Variants in DLG1 observed in about 807,000 individuals in gnomAD.
The protein encoded by DLG1 is discs large MAGUK scaffold protein 1.
In DLG1, 42 loss-of-function variants were observed where a neutral mutation model predicts 123.4. The ratio of observed to expected loss-of-function variants is 0.34; its 90% confidence interval spans 0.27 to 0.44. The LOEUF (loss-of-function observed/expected upper bound fraction) is 0.44. Ranked by LOEUF, DLG1 falls within the 20% of genes least tolerant of loss-of-function variation. DLG1 has a pLI of 1.00. For missense variants in DLG1, 942 were observed against 1,082.6 expected (o/e 0.87, Z 1.82); for synonymous variants, 317 against 356.2 (o/e 0.89, Z 1.24).
chr3:197,283,281 T>C (rs1362161664), intron 3 of DLG1, among the ~76,000 whole-genome samples: 1 of 152,154 alleles, frequency 6.6e-6, no homozygotes, highest in African/African-American at 2.4e-5. Context: ...TAGGAGTTAT[T>C]ACCGTTCACC....
intron 24 of DLG1, among the ~76,000 whole-genome samples, chr3:197,046,262 C>T (rs536282247): frequency 5.9e-5 from 9 of 152,038 alleles, no homozygotes; most frequent in Admixed American, 2.0e-4. Flanking sequence ...GACAACAGCA[C>T]GCAAGGATTT....
chr3:197,268,225 G>A (rs1762499817), intron 4 of DLG1, among the ~76,000 whole-genome samples: 1 of 152,162 alleles, frequency 6.6e-6, no homozygotes, highest in Admixed American at 6.5e-5. Flanking sequence ...TACTGAAAAT[G>A]TCACATAATC....
chr3:197,149,445 G>A (rs1218846061), intron 6 of DLG1, among the ~76,000 whole-genome samples: 1 of 152,010 alleles, frequency 6.6e-6, no homozygotes, highest in African/African-American at 2.4e-5. Context: ...TAAATATATG[G>A]CACTGTGTAA....
intron 11 of DLG1, 35 bp from the exon 12 acceptor site, chr3:197,119,565 A>G: frequency 6.4e-7 from 1 of 1,574,418 alleles, no homozygotes; most frequent in African/African-American, 1.4e-5. Flanking sequence ...TACTTCAAAC[A>G]CGAAACAAGC....
chr3:197,254,572 ACAG>A (rs376767756), intron 4 of DLG1, among the ~76,000 whole-genome samples: 1 of 152,218 alleles, frequency 6.6e-6, no homozygotes, highest in African/African-American at 2.4e-5. Flanking sequence ...GAAAACCCAC[ACAG>A]CAGAACCACA....
In DLG1 at chr3:197,289,341, T is replaced by TACACACACACACACAC. The variant is rs56319334; in HGVS notation, c.152-6512_152-6497dup. On this transcript the variant is annotated intron_variant, in intron 3 of 24. Coordinates refer to ENST00000667157, the MANE Select transcript of DLG1 (RefSeq NM_001366207.1). ...GGGGGGTGGCGTGTATACACGCGCA[T>TACACACACACACACAC]ACACACACACACACACACACACACA... Among the ~76,000 whole-genome samples, 8 of 150,398 alleles carry TACACACACACACACAC rather than the reference T, an allele frequency of 5.3e-5. No individual in the cohort carries two copies. The East Asian group carries it at 9.9e-4, about 19-fold the overall frequency.
chr3:197,263,729 G>C (rs1760526730), intron 4 of DLG1, among the ~76,000 whole-genome samples: 1 of 151,634 alleles, frequency 6.6e-6, no homozygotes, highest in African/African-American at 2.4e-5. Context: ...GGACACTGCA[G>C]TGAGCCGAGA....
intron 3 of DLG1, among the ~76,000 whole-genome samples, chr3:197,284,053 G>T (rs1770662424): frequency 6.6e-6 from 1 of 151,886 alleles, no homozygotes; most frequent in Non-Finnish European, 1.5e-5. Context: ...TAGAGACAGG[G>T]TTTCACCATG....
intron 5 of DLG1, among the ~76,000 whole-genome samples, chr3:197,154,451 G>C (rs1460539386): frequency 6.6e-6 from 1 of 151,728 alleles, no homozygotes; most frequent in African/African-American, 2.4e-5. Context: ...TGAGGTGGGT[G>C]GATCACTAGG....
chr3:197,085,511 T>A, intron 16 of DLG1, 69 bp downstream of exon 16: 2 of 1,538,916 alleles, frequency 1.3e-6, no homozygotes, highest in Non-Finnish European at 1.8e-6. Context: ...TGTCACAAAT[T>A]AAAAAAAATT....
intron 5 of DLG1, among the ~76,000 whole-genome samples, chr3:197,191,948 A>G (rs2150235046): frequency 6.6e-6 from 1 of 152,188 alleles, no homozygotes; most frequent in South Asian, 2.1e-4. Flanking sequence ...GGTCAAGGGA[A>G]GAGGATTACT....
rs778203863 is a variant in DLG1 at position 197,119,392 on chromosome 3, A to G, written c.1286+18T>C. The G allele has an allele frequency of 6.4e-7, 1 of 1,573,872 alleles. No individual in the cohort carries two copies. Among genetic ancestry groups the G allele is most frequent in the Non-Finnish European group, 8.6e-7 (1 of 1,157,974 alleles). On this transcript the variant is annotated intron_variant, in intron 12 of 24. Transcript: ENST00000667157. ...ATAGTTGATTTTATGTAAGAAGGAT[A>G]AATGTTAACTTCCTTACCTTGTAAT...
At chr3:197,116,685 G>A (rs1773487604) in intron 12 of DLG1, among the ~76,000 whole-genome samples, 1 of 151,848 alleles carries the variant, frequency 6.6e-6, no homozygotes, top group Non-Finnish European at 1.5e-5. Context: ...TCAAAAAAAC[G>A]AAACAAAATA....
intron 24 of DLG1, among the ~76,000 whole-genome samples, chr3:197,046,652 C>T (rs773048302): frequency 1.3e-5 from 2 of 151,984 alleles, no homozygotes; most frequent in African/African-American, 4.8e-5. Context: ...TGAAGGTGGG[C>T]GGATTGGATG....
intron 14 of DLG1, among the ~76,000 whole-genome samples, chr3:197,097,509 C>T (rs1189837766): frequency 2.6e-5 from 4 of 150,978 alleles, no homozygotes; most frequent in Admixed American, 6.6e-5. Flanking sequence ...TTTGGCTTTC[C>T]TAATTTTTTT....
At chr3:197,294,609 G>C (rs998127971) in intron 3 of DLG1, among the ~76,000 whole-genome samples, 3 of 141,694 alleles carry the variant, frequency 2.1e-5, no homozygotes, top group Non-Finnish European at 4.5e-5. Context: ...AGTGAGCGGA[G>C]ATCTCGCCAC....
intron 4 of DLG1, among the ~76,000 whole-genome samples, chr3:197,214,897 T>C (rs1276804015): frequency 2.0e-5 from 3 of 152,140 alleles, no homozygotes; most frequent in African/African-American, 4.8e-5. Flanking sequence ...ATTAAAACAA[T>C]GATCTATCAC....
chr3:197,067,545 C>T (rs1448598747), intron 19 of DLG1, among the ~76,000 whole-genome samples: 1 of 135,628 alleles, frequency 7.4e-6, no homozygotes, highest in African/African-American at 2.7e-5. Context: ...GTTAAAAACT[C>T]TGAGAGTTTT....
At position 197,172,287 on chromosome 3, in the gene DLG1, C is replaced by T. The variant is rs369646748; in HGVS notation, c.483+22138G>A. Among the ~76,000 whole-genome samples the T allele has an allele frequency of 1.1e-4, 16 of 151,992 alleles. No homozygotes were observed. The East Asian group carries it at 1.7e-3, about 17-fold the overall frequency. On this transcript the variant is annotated intron_variant, in intron 5 of 24. Transcript: ENST00000667157. ...GAAGTATAATACATATAATTATGTA[C>T]GGTATATAATACTTCAGAATGATAA... is the stretch of plus-strand genomic sequence containing the variant.
Sources: allele counts gnomAD v4.1 joint callset (sites outside exome capture counted in the v4.1 genomes callset), GRCh38; gene constraint gnomAD v4.1.1; transcripts MANE v1.5; gene names NCBI Gene and HGNC (gene_info 2026-07-23, HGNC 2026-07-21).